Variants in CALN1 observed in about 807,000 individuals in gnomAD.
CALN1 encodes calneuron 1, also known as calcium-binding protein 8.
CALN1 carries 17 observed loss-of-function variants against 30.6 expected under a neutral mutation model. The ratio of observed to expected loss-of-function variants is 0.56; its 90% CI spans 0.38 to 0.83. The LOEUF is 0.83. Among genes scored for constraint, CALN1 ranks in the 40% least tolerant of loss-of-function variants. The pLI, the probability that CALN1 is intolerant of heterozygous loss-of-function variation, is 0.00. For missense variants in CALN1, 291 were observed against 354.9 expected (o/e 0.82, Z 1.45); for synonymous variants, 156 against 131.4 (o/e 1.19, Z -1.28).
intron 5 of CALN1, among the ~76,000 whole-genome samples, chr7:71,875,564 G>A (rs536309416): frequency 3.7e-4 from 56 of 152,256 alleles, no homozygotes; most frequent in African/African-American, 1.3e-3. Context: ...AGGAGGTCAT[G>A]GCAGGAAGCC....
chr7:71,951,863 G>T (rs1247304920), intron 5 of CALN1, among the ~76,000 whole-genome samples: 1 of 152,040 alleles, frequency 6.6e-6, no homozygotes, highest in Non-Finnish European at 1.5e-5. Context: ...TCATGCAAGC[G>T]ACTTGCAGAA....
At chr7:72,169,490 T>TTA (rs1554463667) in intron 3 of CALN1, among the ~76,000 whole-genome samples, 1,839 of 89,356 alleles carry the variant, frequency 0.021, 33 homozygotes, top group African/African-American at 0.095. Flanking sequence ...CAGCTGATTA[T>TTA]TTTTTTTTTT....
At chr7:72,419,804 A>G (rs1219462270) in intron 1 of CALN1, among the ~76,000 whole-genome samples, 2 of 152,218 alleles carry the variant, frequency 1.3e-5, no homozygotes, top group East Asian at 1.9e-4. Context: ...CTACAGGTAC[A>G]TGCAGCTAAC....
chr7:72,308,372 G>GGGGGAGA (rs373934467), intron 2 of CALN1, among the ~76,000 whole-genome samples: 5 of 92,662 alleles, frequency 5.4e-5, no homozygotes, highest in Admixed American at 1.1e-4. Context: ...TGTGGGGGGG[G>GGGGGAGA]GAGAGAGAGA....
At chr7:72,166,907 G>A (rs1048732505) in intron 3 of CALN1, among the ~76,000 whole-genome samples, 1 of 152,122 alleles carries the variant, frequency 6.6e-6, no homozygotes, top group African/African-American at 2.4e-5. Flanking sequence ...GCCTGGCATG[G>A]TGGTGGCATG....
At chr7:72,410,353 A>G (rs578093781) in intron 1 of CALN1, among the ~76,000 whole-genome samples, 102 of 152,358 alleles carry the variant, frequency 6.7e-4, no homozygotes, top group African/African-American at 2.3e-3. Flanking sequence ...AAAAGCACAA[A>G]AAAGAAATCT....
intron 2 of CALN1, among the ~76,000 whole-genome samples, chr7:72,285,661 T>C (rs1432067239): frequency 1.3e-5 from 2 of 152,228 alleles, no homozygotes; most frequent in African/African-American, 4.8e-5. Context: ...ATTTATGTTG[T>C]ATAGATTTCT....
chr7:71,876,792 T>C (rs766556774), intron 5 of CALN1, among the ~76,000 whole-genome samples: 4 of 152,208 alleles, frequency 2.6e-5, no homozygotes, highest in East Asian at 1.9e-4. Flanking sequence ...AGAACAAATA[T>C]TGGGACCCAG....
intron 5 of CALN1, among the ~76,000 whole-genome samples, chr7:71,853,701 T>A (rs188700873): frequency 1.5e-3 from 235 of 152,244 alleles, no homozygotes; most frequent in African/African-American, 5.4e-3. Context: ...TGCCTCAGCC[T>A]CCCGAGTAGC....
At chr7:71,849,436 A>T (rs371290799) in intron 5 of CALN1, among the ~76,000 whole-genome samples, 151 of 140,184 alleles carry the variant, frequency 1.1e-3, no homozygotes, top group East Asian at 1.4e-3. Context: ...GGATCTTCCT[A>T]TTTTTTTTTT....
intron 2 of CALN1, among the ~76,000 whole-genome samples, chr7:72,395,932 AC>A (rs1805905268): frequency 6.6e-6 from 1 of 151,886 alleles, no homozygotes; most frequent in East Asian, 1.9e-4. Context: ...AGGAGGTAGG[AC>A]CTCCAAATAT....
chr7:72,054,410 T>C lies in CALN1; in HGVS notation c.389-30641A>G, dbSNP rs201462623. Reference sequence around the variant, plus strand: ...TTGGCTGCATATATGTACATATATATATATATACGTGTATATATACACGTA... The same window carrying C: ...TTGGCTGCATATATGTACATATATACATATATACGTGTATATATACACGTA... On this transcript the variant is annotated intron_variant, in intron 4 of 6. Transcript: ENST00000395275. Among the ~76,000 whole-genome samples the C allele has an allele frequency of 9.4e-4, 97 of 102,936 alleles. 5 individuals carry two copies. In the East Asian group the frequency reaches 0.037, roughly 39 times the overall value. The allele number at this position is 102,936 out of a possible 152,430, so 67.5% of individuals were successfully genotyped here.
chr7:72,141,134 A>G (rs1172271997), intron 3 of CALN1, among the ~76,000 whole-genome samples: 1 of 152,060 alleles, frequency 6.6e-6, no homozygotes, highest in African/African-American at 2.4e-5. Flanking sequence ...ACAATTATCC[A>G]ATAGAAAAAT....
intron 2 of CALN1, among the ~76,000 whole-genome samples, chr7:72,378,016 C>G (rs564673758): frequency 6.6e-6 from 1 of 152,068 alleles, no homozygotes; most frequent in Non-Finnish European, 1.5e-5. Context: ...GCCATTCGTC[C>G]TGAACTTTTT....
At chr7:72,181,145 T>G (rs1043626411) in intron 3 of CALN1, among the ~76,000 whole-genome samples, 23 of 142,684 alleles carry the variant, frequency 1.6e-4, no homozygotes, top group Non-Finnish European at 3.4e-4. Flanking sequence ...CCTATAAGCT[T>G]TTACCCCTAC....
intron 5 of CALN1, among the ~76,000 whole-genome samples, chr7:72,001,648 C>T (rs1799534149): frequency 6.6e-6 from 1 of 152,200 alleles, no homozygotes; most frequent in African/African-American, 2.4e-5. Flanking sequence ...ACTTTACTTC[C>T]TTTTGTTCCT....
intron 4 of CALN1, among the ~76,000 whole-genome samples, chr7:72,089,948 T>C (rs945671938): frequency 6.6e-6 from 1 of 152,202 alleles, no homozygotes; most frequent in African/African-American, 2.4e-5. Context: ...TGAAAGTTCA[T>C]CTTATTCTTG....
At chr7:72,394,896 G>A (rs1805814161) in intron 2 of CALN1, among the ~76,000 whole-genome samples, 1 of 151,932 alleles carries the variant, frequency 6.6e-6, no homozygotes, top group African/African-American at 2.4e-5. Flanking sequence ...GGACTCAAGT[G>A]ATCCTCCCAC....
intron 5 of CALN1, among the ~76,000 whole-genome samples, chr7:71,874,279 TAAAAAAA>T (rs57423286): frequency 5.1e-5 from 5 of 97,646 alleles, no homozygotes; most frequent in South Asian, 3.4e-4. Flanking sequence ...TCTCAAACAT[TAAAAAAA>T]AAAAAAAAAA....
Sources: allele counts gnomAD v4.1 joint callset (sites outside exome capture counted in the v4.1 genomes callset), GRCh38; gene constraint gnomAD v4.1.1; transcripts MANE v1.5; gene names NCBI Gene and HGNC (gene_info 2026-07-23, HGNC 2026-07-21).